The following PLD2 variants were observed in gnomAD, a reference collection of about 807,000 sequenced individuals.
PLD2 encodes the protein choline phosphatase 2.
In PLD2, 101 loss-of-function variants were observed where a neutral mutation model predicts 119.8. The ratio of observed to expected loss-of-function variants is 0.84; its 90% confidence interval spans 0.72 to 0.99. The LOEUF (loss-of-function observed/expected upper bound fraction) is 0.99. Among genes scored for constraint, PLD2 ranks in the 50% least tolerant of loss-of-function variants. The pLI, the probability that PLD2 is intolerant of heterozygous loss-of-function variation, is 0.00. For synonymous variants in PLD2, 494 were observed against 482.8 expected (o/e 1.02, Z -0.30); for missense variants, 1,164 against 1,226.8 (o/e 0.95, Z 0.76).
In PLD2 at chr17:4,819,723, C is replaced by T. The variant is rs1907447718; in HGVS notation, c.2462+141C>T. The T allele has an allele frequency of 4.7e-6, 4 of 842,996 alleles. No individual in the cohort carries two copies. Among genetic ancestry groups the T allele is most frequent in the African/African-American group, 1.7e-5 (1 of 57,966 alleles). The allele number at this position is 842,996 out of a possible 1,614,324, so 52.2% of individuals were successfully genotyped here. A position where few individuals can be genotyped will look rare whatever the true frequency, so the allele number is the denominator to read the frequency against. ...TAGATTCTCAATAGGCAAGGCTGGG[C>T]GCGGCAGCTCACGCCTCTAATCCCA... On this transcript the variant is annotated intron_variant, in intron 23 of 24. Coordinates refer to ENST00000263088, the MANE Select transcript of PLD2 (RefSeq NM_002663.5). This position sits in a 1 kb window ranked among gnomAD's most constrained non-coding sequence, Gnocchi z 4.2.
At chr17:4,820,556 CAA>C (rs1162927219) in intron 23 of PLD2, among the ~76,000 whole-genome samples, 7 of 73,560 alleles carry the variant, frequency 9.5e-5, no homozygotes, top group Non-Finnish European at 5.6e-5. Context: ...CGCCCCTGGC[CAA>C]AAAAAAAAAA....
chr17:4,821,787 C>T lies in PLD2; in HGVS notation c.2463-6C>T, dbSNP rs1907691462. On this transcript the variant is annotated splice_region_variant and splice_polypyrimidine_tract_variant and intron_variant, in intron 23 of 24. Coordinates refer to ENST00000263088, the MANE Select transcript of PLD2 (RefSeq NM_002663.5). ...CTGGCCCTGCTGGGACCCCTTTCTC[C>T]TATAGTGTGATTCTTGGAGCAAATA... The T allele has an allele frequency of 6.2e-7, 1 of 1,604,430 alleles. No individual in the cohort carries two copies. Among genetic ancestry groups the T allele is most frequent in the Non-Finnish European group, 8.5e-7 (1 of 1,171,262 alleles).
At chr17:4,809,668 C>T in intron 7 of PLD2, 23 bp from the exon 8 acceptor site, 1 of 1,613,720 alleles carries the variant, frequency 6.2e-7, no homozygotes, top group Non-Finnish European at 8.5e-7. Context: ...CTCATCCCGC[C>T]TCTCTTCCTG....
intron 9 of PLD2, among the ~76,000 whole-genome samples, chr17:4,810,394 C>T (rs1421125160): frequency 1.3e-5 from 2 of 152,258 alleles, no homozygotes; most frequent in Middle Eastern, 3.4e-3. Flanking sequence ...CCTACAATCC[C>T]AGCACTTTGG....
chr17:4,816,249 G>A (rs1176891695), intron 14 of PLD2, among the ~76,000 whole-genome samples: 2 of 152,080 alleles, frequency 1.3e-5, no homozygotes, highest in Non-Finnish European at 2.9e-5. Flanking sequence ...TGGGCATGGT[G>A]GCAGTTGCCT....
chr17:4,816,382 CA>C (rs113078659), intron 14 of PLD2, among the ~76,000 whole-genome samples: 41,078 of 129,394 alleles, frequency 0.32, 5,810 homozygotes, highest in East Asian at 0.4. Context: ...GACTCTGTCT[CA>C]AAAAAAAAAA....
intron 14 of PLD2, 106 bp downstream of exon 14, chr17:4,816,040 A>G (rs1024829780): frequency 9.4e-6 from 8 of 850,382 alleles, no homozygotes; most frequent in African/African-American, 6.7e-5. Flanking sequence ...GGCCCTGCCA[A>G]CCTCAGGGTT....
chr17:4,819,247 G>A lies in PLD2; in HGVS notation c.2308+29G>A, dbSNP rs1907382870. 3 of 1,612,830 alleles carry A rather than the reference G, an allele frequency of 1.9e-6. No individual in the cohort carries two copies. Among genetic ancestry groups the A allele is most frequent in the Non-Finnish European group, 2.5e-6 (3 of 1,179,492 alleles). ...AGTGCCGGATCTAGTCCTCTGGCAG[G>A]GAGAGGGTGTGGGGACAGGCGAAGA... On this transcript the variant is annotated intron_variant, in intron 22 of 24. Coordinates refer to ENST00000263088, the MANE Select transcript of PLD2 (RefSeq NM_002663.5). The surrounding 1 kb of genome is among the most constrained non-coding windows in gnomAD (Gnocchi z 4.2).
chr17:4,818,196 G>A (rs1907231763), intron 18 of PLD2, 90 bp downstream of exon 18: 1 of 1,419,210 alleles, frequency 7.0e-7, no homozygotes. Flanking sequence ...TTGAGGGCTG[G>A]TGGAGCAGAA....
At position 4,818,536 on chromosome 17, in the gene PLD2, C is replaced by A. The variant is rs560385829; in HGVS notation, c.2052C>A (p.Leu684=). ...CYRVYVLLPL[L]PGFEGDISTG... is the part of the protein sequence containing the mutation. ...GAGTCTACGTGCTTTTGCCCTTACT[C>A]CCTGGCTTCGAGGGTGACATCTCCA... The change falls in exon 20 of 25, where the codon CTC becomes CTA. Residue 684 remains leucine, a synonymous_variant. Transcript: ENST00000263088. 148 of 1,614,040 alleles carry A rather than the reference C, an allele frequency of 9.2e-5. 1 individual carries two copies. Among genetic ancestry groups the A allele is most frequent in the African/African-American group, 1.2e-4 (9 of 75,002 alleles).
chr17:4,809,023 C>G, intron 4 of PLD2, 77 bp from the exon 5 acceptor site: 1 of 1,139,146 alleles, frequency 8.8e-7, no homozygotes, highest in Non-Finnish European at 1.3e-6. Flanking sequence ...TCCTCCGAGC[C>G]CCATCTCCAG....
rs904654120 is a variant in PLD2 at position 4,815,758 on chromosome 17, C to T, written c.1285-6C>T. The T allele has an allele frequency of 1.2e-6, 2 of 1,613,724 alleles. No homozygotes were observed. Among genetic ancestry groups the T allele is most frequent in the Non-Finnish European group, 1.7e-6 (2 of 1,179,778 alleles). ...CACCCTCATGAACCCTCCATGCCTG[C>T]TCCAGGTGATGCGTCACCCAGACCA... On this transcript the variant is annotated splice_polypyrimidine_tract_variant and splice_region_variant and intron_variant, in intron 13 of 24. Coordinates refer to ENST00000263088, the MANE Select transcript of PLD2 (RefSeq NM_002663.5).
chr17:4,814,223 T>C (rs1906745065), intron 10 of PLD2, 195 bp from the exon 11 acceptor site: 1 of 719,926 alleles, frequency 1.4e-6, no homozygotes, highest in African/African-American at 1.8e-5. Context: ...ATTGTGTCTT[T>C]TTGTAATTTT....
At chr17:4,816,591 C>T (rs966798506) in intron 14 of PLD2, 29 bp from the exon 15 acceptor site, 1 of 1,611,864 alleles carries the variant, frequency 6.2e-7, no homozygotes, top group Non-Finnish European at 8.5e-7. Context: ...CTTCCCCTTG[C>T]CCCTGGCTTG....
At position 4,807,723 on chromosome 17, in the gene PLD2, C is replaced by G; in HGVS notation, c.-1-49C>G. ...GACCTGCGGGAGTTAGGATGGGGGGCGGGTTCTGCAGGACAGCTCGCCTCC... is the reference window on the plus strand; with the variant it reads ...GACCTGCGGGAGTTAGGATGGGGGGGGGGTTCTGCAGGACAGCTCGCCTCC... On this transcript the variant is annotated intron_variant, in intron 1 of 24. Coordinates refer to ENST00000263088, the MANE Select transcript of PLD2 (RefSeq NM_002663.5). This position sits in a 1 kb window ranked among gnomAD's most constrained non-coding sequence, Gnocchi z 5.4. 9.9e-7 allele frequency: 1 copy of G among 1,010,776 alleles called. No homozygotes were observed. 62.6% of individuals were successfully genotyped at this position (1,010,776 alleles called of 1,614,324 possible). A position where few individuals can be genotyped will look rare whatever the true frequency, so the allele number is the denominator to read the frequency against.
Position 4,809,557 on chromosome 17 carries a change from T to C in PLD2, c.614+6T>C. 6.2e-7 allele frequency: 1 copy of C among 1,605,128 alleles called. No individual in the cohort carries two copies. The highest frequency in any genetic ancestry group is 1.7e-5 in the Admixed American group (1 of 59,512). ...GACTTGGGCCGCAAAGGACTGTGAG[T>C]GTCTGGCCCCCTTCACCCAGGCATC... On this transcript the variant is annotated splice_donor_region_variant and intron_variant, in intron 7 of 24. Transcript: ENST00000263088.
rs754734998 is a variant in PLD2 at position 4,821,925 on chromosome 17, G to C, written c.2577+18G>C. On this transcript the variant is annotated intron_variant, in intron 24 of 24. Transcript: ENST00000263088. Reference sequence around the variant, plus strand: ...ATGAGCAGGTGGGAACTTGGGAGGGGTGGGGGAGAGTGGCCTGGGGAAATT... The same window carrying C: ...ATGAGCAGGTGGGAACTTGGGAGGGCTGGGGGAGAGTGGCCTGGGGAAATT... The C allele has an allele frequency of 2.7e-6, 4 of 1,506,432 alleles. No individual in the cohort carries two copies. The highest frequency in any genetic ancestry group is 3.7e-6 in the Non-Finnish European group (4 of 1,081,888). 93.3% of individuals were successfully genotyped at this position (1,506,432 alleles called of 1,614,324 possible). A position where few individuals can be genotyped will look rare whatever the true frequency, so the allele number is the denominator to read the frequency against.
At chr17:4,818,678 G>A in intron 20 of PLD2, 71 bp downstream of exon 20, 1 of 1,558,878 alleles carries the variant, frequency 6.4e-7, no homozygotes, top group East Asian at 2.2e-5. Context: ...ATTCTGTCCT[G>A]ATCCCTTCCT....
In PLD2 at chr17:4,807,568, A is replaced by G; in HGVS notation, c.-1-204A>G. Reference sequence around the variant, plus strand: ...GCGGGGGGCGGGGGGCGGGACTGGGATTGTGGATGAAGGACTAAGGTAGGG... The same window carrying G: ...GCGGGGGGCGGGGGGCGGGACTGGGGTTGTGGATGAAGGACTAAGGTAGGG... On this transcript the variant is annotated intron_variant, in intron 1 of 24. Coordinates refer to ENST00000263088, the MANE Select transcript of PLD2 (RefSeq NM_002663.5). This position sits in a 1 kb window ranked among gnomAD's most constrained non-coding sequence, Gnocchi z 5.4. The G allele has an allele frequency of 2.6e-6, 1 of 380,632 alleles. No individual in the cohort carries two copies. Among genetic ancestry groups the G allele is most frequent in the South Asian group, 4.0e-5 (1 of 25,078 alleles). The allele number at this position is 380,632 out of a possible 1,614,324, so 23.6% of individuals were successfully genotyped here. A position where few individuals can be genotyped will look rare whatever the true frequency, so the allele number is the denominator to read the frequency against.
Sources: gnomAD v4.1 joint callset for allele counts (sites outside exome capture counted in the v4.1 genomes callset) on GRCh38, gnomAD v4.1.1 for gene constraint, Gnocchi (gnomAD v3.1) non-coding constraint, MANE v1.5 for transcripts, NCBI Gene and HGNC (gene_info 2026-07-23, HGNC 2026-07-21) for gene names.